The following IGFBPL1 variants were observed in gnomAD, a reference collection of about 807,000 sequenced individuals.
The protein encoded by IGFBPL1 is insulin-like growth factor-binding protein-like 1.
A neutral mutation model predicts 23.9 loss-of-function variants in IGFBPL1; 20 were observed. The observed-to-expected ratio is 0.84, with a 90% CI of 0.59 to 1.22. IGFBPL1 has a LOEUF of 1.22. Among genes scored for constraint, IGFBPL1 ranks in the 50% most tolerant of loss-of-function variants. The pLI is 0.00. For synonymous variants in IGFBPL1, 184 were observed against 171.8 expected (o/e 1.07, Z -0.56); for missense variants, 436 against 379.3 (o/e 1.15, Z -1.24).
chr9:38,418,378 T>G (rs1382963603), intron 1 of IGFBPL1, among the ~76,000 whole-genome samples: 1 of 152,192 alleles, frequency 6.6e-6, no homozygotes, highest in Non-Finnish European at 1.5e-5. Flanking sequence ...CAAAGGCTGT[T>G]GTGAGGAACA....
chr9:38,422,156 G>A (rs993984916), intron 1 of IGFBPL1, among the ~76,000 whole-genome samples: 1 of 152,196 alleles, frequency 6.6e-6, no homozygotes, highest in African/African-American at 2.4e-5. Flanking sequence ...TAAGTCCTGT[G>A]CCAAAAGAGC....
In IGFBPL1 at chr9:38,409,224, A is replaced by C. The variant is rs757829866; in HGVS notation, c.*10-7T>G. The C allele has an allele frequency of 2.6e-5, 4 of 152,222 alleles. No individual in the cohort carries two copies. Among genetic ancestry groups the C allele is most frequent in the Admixed American group, 1.3e-4 (2 of 15,280 alleles). 9.4% of individuals were successfully genotyped at this position (152,222 alleles called of 1,614,324 possible). A position where few individuals can be genotyped will look rare whatever the true frequency, so the allele number is the denominator to read the frequency against. On this transcript the variant is annotated splice_polypyrimidine_tract_variant and splice_region_variant and intron_variant, in intron 4 of 4. Transcript: ENST00000377694. ...GATCAATGTTTCTAAGACCCTAGGAAGAAAAGGAGAGAAAGAATTAGAGAA... is the reference window on the plus strand; with the variant it reads ...GATCAATGTTTCTAAGACCCTAGGACGAAAAGGAGAGAAAGAATTAGAGAA...
At chr9:38,423,204 C>T (rs536253458) in intron 1 of IGFBPL1, among the ~76,000 whole-genome samples, 1 of 152,318 alleles carries the variant, frequency 6.6e-6, no homozygotes, top group South Asian at 2.1e-4. Context: ...GCAACTATAG[C>T]ACTCAGAGAT....
In IGFBPL1 at chr9:38,411,465, C is replaced by G. The variant is rs559553447; in HGVS notation, c.772G>C (p.Val258Leu). 17 of 1,614,132 alleles carry G rather than the reference C, an allele frequency of 1.1e-5. No individual in the cohort carries two copies. In the African/African-American group the frequency reaches 2.1e-4, roughly 20 times the overall value. ...TATTTACTCAGATCTAGAACCGTCACTGTGCTGTGGGACTCAGCCTCTCCC... is the reference window on the plus strand; with the variant it reads ...TATTTACTCAGATCTAGAACCGTCAGTGTGCTGTGGGACTCAGCCTCTCCC... The part of the protein sequence containing the change: ...MVGEAESHST[V>L]TVLDLSKYRS... Residue 258 changes from valine to leucine, a missense_variant, in exon 4 of 5, where the codon GTG becomes CTG. Transcript: ENST00000377694.
In IGFBPL1 at chr9:38,424,329, G is replaced by A. The variant is rs1486908132; in HGVS notation, c.96C>T (p.Gly32=). The A allele has an allele frequency of 2.8e-6, 3 of 1,086,730 alleles. No homozygotes were observed. Among genetic ancestry groups the A allele is most frequent in the Non-Finnish European group, 3.8e-6 (3 of 787,050 alleles). The allele number at this position is 1,086,730 out of a possible 1,614,324, so 67.3% of individuals were successfully genotyped here. The change falls in exon 1 of 5, where the codon GGC becomes GGT. Residue 32 remains glycine (G), a synonymous_variant. Coordinates refer to ENST00000377694, the MANE Select transcript of IGFBPL1 (RefSeq NM_001007563.3). ...ACGGACCACACTTGGGGCGCCGGCCGCCCACGTCGCGGATCCCAAGGCTCG... is the reference window on the plus strand; with the variant it reads ...ACGGACCACACTTGGGGCGCCGGCCACCCACGTCGCGGATCCCAAGGCTCG... ...LSPSLGIRDV[G]GRRPKCGPCR...
At chr9:38,412,477 TA>T (rs1357131074) in intron 3 of IGFBPL1, among the ~76,000 whole-genome samples, 1 of 152,170 alleles carries the variant, frequency 6.6e-6, no homozygotes, top group Non-Finnish European at 1.5e-5. Context: ...TTCATCTTGG[TA>T]AAAGTGCTGC....
Position 38,424,247 on chromosome 9 carries a change from G to T in IGFBPL1, c.178C>A (p.Leu60Ile). The change falls in exon 1 of 5, where the codon CTC (leucine) becomes ATC (isoleucine). Residue 60 changes from leucine to isoleucine, a missense_variant. By Grantham distance (5) the Leu-to-Ile change is conservative (BLOSUM62 2). Coordinates refer to ENST00000377694, the MANE Select transcript of IGFBPL1 (RefSeq NM_001007563.3). ...CGGGCGCAGCAGCCGCACTCGTCGA[G>T]CGCCGAGATCCCGGGCGCCGGGCAG... ...APCPAPGISALDECGCCARCL... is the reference protein window; with the variant it reads ...APCPAPGISAIDECGCCARCL... The T allele has an allele frequency of 8.2e-7, 1 of 1,216,782 alleles. No homozygotes were observed. Among genetic ancestry groups the T allele is most frequent in the Non-Finnish European group, 1.0e-6 (1 of 978,554 alleles). The allele number at this position is 1,216,782 out of a possible 1,614,324, so 75.4% of individuals were successfully genotyped here.
rs891789821 is a variant in IGFBPL1, at chr9:38,424,264, G to T, written c.161C>A (p.Ala54Glu). The change falls in exon 1 of 5, where the codon GCG becomes GAG. Residue 54 changes from alanine to glutamate, a missense_variant. Coordinates refer to ENST00000377694, the MANE Select transcript of IGFBPL1 (RefSeq NM_001007563.3). ...EGCPAPAPCPAPGISALDECG... is the reference protein window; with the variant it reads ...EGCPAPAPCPEPGISALDECG... The stretch of plus-strand genomic sequence containing the variant: ...CTCGTCGAGCGCCGAGATCCCGGGC[G>T]CCGGGCAGGGCGCAGGCGCCGGGCA... 1.5e-5 allele frequency: 19 copies of T among 1,226,224 alleles called. No individual in the cohort carries two copies. Among genetic ancestry groups the T allele is most frequent in the Non-Finnish European group, 1.7e-5 (17 of 983,122 alleles). The allele number at this position is 1,226,224 out of a possible 1,614,324, so 76.0% of individuals were successfully genotyped here. A position where few individuals can be genotyped will look rare whatever the true frequency, so the allele number is the denominator to read the frequency against.
At position 38,424,058 on chromosome 9, in the gene IGFBPL1, G is replaced by A. The variant is rs1236203575; in HGVS notation, c.367C>T (p.Pro123Ser). Reference sequence around the variant, plus strand: ...CGCAGGCGCAGCGCGCAGACGCTGGGGTACGAGCGACCGTCGGAGCCGCAG... The same window carrying A: ...CGCAGGCGCAGCGCGCAGACGCTGGAGTACGAGCGACCGTCGGAGCCGCAG... The part of the protein sequence containing the change: ...TVCGSDGRSY[P>S]SVCALRLRAR... Residue 123 changes from proline to serine, a missense_variant, in exon 1 of 5, where the codon CCC (proline) becomes TCC (serine). By Grantham distance (74) the Pro-to-Ser change is moderately conservative. Coordinates refer to ENST00000377694, the MANE Select transcript of IGFBPL1 (RefSeq NM_001007563.3). 9 of 1,401,316 alleles carry A rather than the reference G, an allele frequency of 6.4e-6. No individual in the cohort carries two copies. The highest frequency in any genetic ancestry group is 8.3e-6 in the Non-Finnish European group (9 of 1,084,284). The allele number at this position is 1,401,316 out of a possible 1,614,324, so 86.8% of individuals were successfully genotyped here.
chr9:38,424,433 C>G lies in IGFBPL1; in HGVS notation c.-9G>C. ...AGAGACAAGCGCGGCATGGCTTGCT[C>G]CGGGACAGCGGCGGCGCCTCTGCTT... On this transcript the variant is annotated 5_prime_UTR_variant, in exon 1 of 5. Transcript: ENST00000377694. 1 of 559,606 alleles carries G rather than the reference C, an allele frequency of 1.8e-6. No individual in the cohort carries two copies. Among genetic ancestry groups the G allele is most frequent in the South Asian group, 2.0e-5 (1 of 50,290 alleles). 34.7% of individuals were successfully genotyped at this position (559,606 alleles called of 1,614,324 possible).
chr9:38,423,032 C>G (rs1485566128), intron 1 of IGFBPL1, among the ~76,000 whole-genome samples: 1 of 152,212 alleles, frequency 6.6e-6, no homozygotes, highest in Non-Finnish European at 1.5e-5. Flanking sequence ...TGGCCACCTT[C>G]TCACTCACCC....
Position 38,424,390 on chromosome 9 carries a change from A to G in IGFBPL1, c.35T>C (p.Leu12Pro), listed in dbSNP as rs2118336000. ...PRLSLLLPLLLLLLLPLLPPL... is the reference protein window; with the variant it reads ...PRLSLLLPLLPLLLLPLLPPL... ...CGGCAGCAGCGGCAGCAGCAGCAGA[A>G]GCAGCAGCGGCAAGAGCAGAGACAA... Residue 12 changes from leucine to proline, a missense_variant, in exon 1 of 5, where the codon CTT (leucine) becomes CCT (proline). Coordinates refer to ENST00000377694, the MANE Select transcript of IGFBPL1 (RefSeq NM_001007563.3). 1 of 651,100 alleles carries G rather than the reference A, an allele frequency of 1.5e-6. No individual in the cohort carries two copies. The highest frequency in any genetic ancestry group is 2.6e-6 in the Non-Finnish European group (1 of 379,064). 40.3% of individuals were successfully genotyped at this position (651,100 alleles called of 1,614,324 possible). A position where few individuals can be genotyped will look rare whatever the true frequency, so the allele number is the denominator to read the frequency against.
At chr9:38,411,166 T>C (rs1821508673) in intron 4 of IGFBPL1, among the ~76,000 whole-genome samples, 1 of 152,218 alleles carries the variant, frequency 6.6e-6, no homozygotes, top group African/African-American at 2.4e-5. Context: ...ACACACATCA[T>C]GTTCACAGCT....
At chr9:38,422,931 C>T (rs12376704) in intron 1 of IGFBPL1, among the ~76,000 whole-genome samples, 1 of 152,268 alleles carries the variant, frequency 6.6e-6, no homozygotes, top group East Asian at 1.9e-4. Context: ...GACTTAGGCA[C>T]TAAAGTCTGG....
rs1486701956 is a variant in IGFBPL1, at chr9:38,407,437, AGT to A, written c.*1788_*1789del. On this transcript the variant is annotated 3_prime_UTR_variant, in exon 5 of 5. Coordinates refer to ENST00000377694, the MANE Select transcript of IGFBPL1 (RefSeq NM_001007563.3). The stretch of plus-strand genomic sequence containing the variant: ...CCAGGCCAGTCTCCTTCTGCTGCAT[AGT>A]ACAGAAGGTGATGCCATCCCAATAT... 6.6e-6 allele frequency among the ~76,000 whole-genome samples: 1 copy of A among 152,240 alleles called. No individual in the cohort carries two copies. The highest frequency in any genetic ancestry group is 1.9e-4 in the East Asian group (1 of 5,198).
intron 1 of IGFBPL1, 34 bp from the exon 2 acceptor site, chr9:38,414,237 C>A: frequency 7.2e-7 from 1 of 1,379,514 alleles, no homozygotes; most frequent in Admixed American, 1.9e-5. Context: ...GCAGCCTTTA[C>A]CCTGCAGGGT....
At position 38,411,391 on chromosome 9, in the gene IGFBPL1, A is replaced by T. The variant is rs368632311; in HGVS notation, c.*9T>A. ...ACTGAAAATGACTTAGAACATGTAC[A>T]TTTCTCCATCACATGCGGTCATCGG... On this transcript the variant is annotated splice_region_variant and 3_prime_UTR_variant, in exon 4 of 5. Transcript: ENST00000377694. The T allele has an allele frequency of 9.3e-5, 150 of 1,611,604 alleles. No homozygotes were observed. The highest frequency in any genetic ancestry group is 1.2e-4 in the Non-Finnish European group (145 of 1,178,766).
chr9:38,409,504 T>C (rs1004163763), intron 4 of IGFBPL1, among the ~76,000 whole-genome samples: 1 of 152,196 alleles, frequency 6.6e-6, no homozygotes, highest in Non-Finnish European at 1.5e-5. Flanking sequence ...CCTGGAGGTA[T>C]GTAAGCCAGA....
chr9:38,413,014 G>A (rs1821535428), intron 3 of IGFBPL1, among the ~76,000 whole-genome samples: 2 of 152,168 alleles, frequency 1.3e-5, no homozygotes, highest in South Asian at 2.1e-4. Flanking sequence ...GGTTCTGGGG[G>A]TGAGGACGTG....
Sources: allele counts gnomAD v4.1 joint callset (sites outside exome capture counted in the v4.1 genomes callset), GRCh38; gene constraint gnomAD v4.1.1; transcripts MANE v1.5; gene names NCBI Gene and HGNC (gene_info 2026-07-23, HGNC 2026-07-21).